The following WNT3 variants were observed in gnomAD, a reference collection of about 807,000 sequenced individuals.
The protein encoded by WNT3 is proto-oncogene Wnt-3.
Under a neutral mutation model 34.2 loss-of-function variants are expected in WNT3, and 7 were observed. That is an observed-to-expected ratio of 0.20 (90% CI 0.12 to 0.38). The LOEUF is 0.38. WNT3 is among the 10% of genes least tolerant of loss of function. The pLI is 1.00. For synonymous variants in WNT3, 212 were observed against 211.5 expected (o/e 1.00, Z -0.02); for missense variants, 267 against 499.8 (o/e 0.53, Z 4.44).
Position 46,771,960 on chromosome 17 carries a change from G to GCCGCCGACC in WNT3, c.322+1699_322+1707dup, listed in dbSNP as rs2059377842. Among the ~76,000 whole-genome samples the GCCGCCGACC allele has an allele frequency of 5.4e-5, 8 of 149,172 alleles. No homozygotes were observed. In the South Asian group the frequency reaches 1.2e-3, roughly 23 times the overall value. On this transcript the variant is annotated intron_variant, in intron 2 of 4. Transcript: ENST00000225512. ...CCGCCGCCGCGCCTCGCCCCTTCCGGCCGCCGACCCCGCCGCCCCCAGACT... is the reference window on the plus strand; with the variant it reads ...CCGCCGCCGCGCCTCGCCCCTTCCGGCCGCCGACCCCGCCGACCCCGCCGCCCCCAGACT...
At chr17:46,786,202 A>C (rs886787548) in intron 1 of WNT3, among the ~76,000 whole-genome samples, 1 of 151,910 alleles carries the variant, frequency 6.6e-6, no homozygotes, top group Non-Finnish European at 1.5e-5. Context: ...GGGAGGAGGA[A>C]AGAGAGTGGA....
At chr17:46,793,678 C>T (rs2084016957) in intron 1 of WNT3, among the ~76,000 whole-genome samples, 1 of 152,202 alleles carries the variant, frequency 6.6e-6, no homozygotes, top group South Asian at 2.1e-4. Flanking sequence ...AGACAACACA[C>T]CCAGCAGATG....
intron 1 of WNT3, among the ~76,000 whole-genome samples, chr17:46,814,542 C>T (rs762600544): frequency 6.6e-6 from 1 of 152,198 alleles, no homozygotes. Context: ...GGAGACCACC[C>T]GGTTAAAGCC....
At chr17:46,809,920 A>C (rs973006829) in intron 1 of WNT3, among the ~76,000 whole-genome samples, 18 of 152,124 alleles carry the variant, frequency 1.2e-4, no homozygotes, top group African/African-American at 4.3e-4. Context: ...CCTCAAGCTC[A>C]GAGGCTCAGG....
chr17:46,772,864 A>G (rs2059386050), intron 2 of WNT3, among the ~76,000 whole-genome samples: 1 of 150,722 alleles, frequency 6.6e-6, no homozygotes, highest in Admixed American at 6.7e-5. Flanking sequence ...AGCTTCTAAT[A>G]GGAGGGAGGG....
intron 1 of WNT3, among the ~76,000 whole-genome samples, chr17:46,803,885 G>A (rs545512999): frequency 5.3e-5 from 8 of 152,324 alleles, no homozygotes; most frequent in South Asian, 2.1e-4. Context: ...TTCTCATGGC[G>A]CAGCTGAAGA....
intron 1 of WNT3, among the ~76,000 whole-genome samples, chr17:46,795,599 C>T (rs2084042748): frequency 8.5e-5 from 13 of 152,190 alleles, no homozygotes; most frequent in Admixed American, 8.5e-4. Flanking sequence ...CACAGGTGTC[C>T]AGCCTGCAAA....
At chr17:46,782,596 C>CTAGCAGATT (rs2059471238) in intron 1 of WNT3, among the ~76,000 whole-genome samples, 1 of 152,358 alleles carries the variant, frequency 6.6e-6, no homozygotes, top group South Asian at 2.1e-4. Flanking sequence ...GTCAAGAAGC[C>CTAGCAGATT]GTTCAGGATT....
At chr17:46,795,459 C>T (rs770712306) in intron 1 of WNT3, among the ~76,000 whole-genome samples, 9 of 152,110 alleles carry the variant, frequency 5.9e-5, no homozygotes, top group African/African-American at 1.4e-4. Flanking sequence ...GGCAAAGGGA[C>T]GACAGCAAAT....
intron 1 of WNT3, among the ~76,000 whole-genome samples, chr17:46,809,273 G>A (rs1243305976): frequency 1.3e-5 from 2 of 152,180 alleles, no homozygotes; most frequent in Non-Finnish European, 2.9e-5. Flanking sequence ...ATTGGTGGGA[G>A]CTGGAGAGGA....
intron 1 of WNT3, among the ~76,000 whole-genome samples, chr17:46,817,995 C>T (rs1029809196): frequency 6.6e-6 from 1 of 152,060 alleles, no homozygotes; most frequent in Non-Finnish European, 1.5e-5. Flanking sequence ...CTCCCCTGCC[C>T]CGGGAGGAGC....
Position 46,769,852 on chromosome 17 carries a change from C to T in WNT3, c.519G>A (p.Ala173=), listed in dbSNP as rs767070341. Residue 173 remains alanine, a synonymous_variant, in exon 3 of 5, where the codon GCG becomes GCA. Transcript: ENST00000225512. ...DFGVLVSREF[A]DARENRPDAR... is the part of the protein sequence containing the mutation. ...CGTCCGGCCTGTTCTCGCGCGCATC[C>T]GCGAACTCCCTGGACACTAACACGC... The T allele has an allele frequency of 8.7e-6, 14 of 1,613,374 alleles. No individual in the cohort carries two copies. Among genetic ancestry groups the T allele is most frequent in the Admixed American group, 3.3e-5 (2 of 59,994 alleles).
intron 1 of WNT3, among the ~76,000 whole-genome samples, chr17:46,777,479 T>C (rs2059421851): frequency 6.6e-6 from 1 of 152,236 alleles, no homozygotes; most frequent in African/African-American, 2.4e-5. Flanking sequence ...CATGGCTTGA[T>C]TGGCCTCAAA....
chr17:46,783,593 A>C (rs1485935208), intron 1 of WNT3, among the ~76,000 whole-genome samples: 1 of 152,190 alleles, frequency 6.6e-6, no homozygotes, highest in Admixed American at 6.5e-5. Flanking sequence ...GTCCCAAGGC[A>C]CTTGTAACTT....
At chr17:46,800,862 C>G (rs138389919) in intron 1 of WNT3, among the ~76,000 whole-genome samples, 7 of 152,268 alleles carry the variant, frequency 4.6e-5, no homozygotes, top group African/African-American at 1.7e-4. Context: ...TGAGGGAAGG[C>G]TGCGCAGAGG....
intron 1 of WNT3, among the ~76,000 whole-genome samples, chr17:46,788,933 T>C (rs1210396194): frequency 2.0e-5 from 3 of 151,988 alleles, no homozygotes; most frequent in Non-Finnish European, 4.4e-5. Context: ...AGTTTGGGAG[T>C]CCTTTGTTTG....
At chr17:46,808,164 G>C (rs147572722) in intron 1 of WNT3, among the ~76,000 whole-genome samples, 303 of 152,320 alleles carry the variant, frequency 2.0e-3, no homozygotes, top group African/African-American at 7.0e-3. Flanking sequence ...ACTGAGGCCC[G>C]GGAGGCAGTG....
chr17:46,770,050 T>C lies in WNT3; in HGVS notation c.323-2A>G. 1 of 1,542,136 alleles carries C rather than the reference T, an allele frequency of 6.5e-7. No homozygotes were observed. Among genetic ancestry groups the C allele is most frequent in the Non-Finnish European group, 8.7e-7 (1 of 1,144,070 alleles). On this transcript the variant is annotated splice_acceptor_variant, in intron 2 of 4. Transcript: ENST00000225512. LOFTEE classifies it high-confidence loss of function. ...GAACGAAGGCCGACTCGCGGGTGGC[T>C]GCGGGGAGGTCGTGGGGAGGCAGCA...
intron 1 of WNT3, among the ~76,000 whole-genome samples, chr17:46,797,895 A>T (rs1340226791): frequency 2.0e-5 from 3 of 152,100 alleles, no homozygotes; most frequent in African/African-American, 4.8e-5. Flanking sequence ...AAAATAAAAC[A>T]TTTCATTTAG....
Sources: allele counts gnomAD v4.1 joint callset (sites outside exome capture counted in the v4.1 genomes callset), GRCh38; gene constraint gnomAD v4.1.1; transcripts MANE v1.5; gene names NCBI Gene and HGNC (gene_info 2026-07-23, HGNC 2026-07-21).